The following CWF19L2 variants were observed in gnomAD, a reference collection of about 807,000 sequenced individuals.
The protein encoded by CWF19L2 is CWF19-like protein 2.
CWF19L2 carries 98 observed loss-of-function variants against 111.7 expected under a neutral mutation model. The observed-to-expected ratio is 0.88, with a 90% CI of 0.75 to 1.04. The LOEUF is 1.04. Ranked by LOEUF, CWF19L2 falls within the 50% of genes least tolerant of loss-of-function variation. CWF19L2 has a pLI of 0.00. For synonymous variants in CWF19L2, 351 were observed against 342.9 expected (o/e 1.02, Z -0.26); for missense variants, 1,101 against 1,051.4 (o/e 1.05, Z -0.65).
chr11:107,337,367 T>TTGTGTGTGTGTG (rs5794537), intron 14 of CWF19L2, among the ~76,000 whole-genome samples: 6 of 148,120 alleles, frequency 4.1e-5, no homozygotes, highest in African/African-American at 1.5e-4. Context: ...GGTGTGTGTT[T>TTGTGTGTGTGTG]TGTGTGTGTG....
chr11:107,379,647 A>C (rs1376260161), intron 12 of CWF19L2, among the ~76,000 whole-genome samples: 5 of 152,248 alleles, frequency 3.3e-5, no homozygotes, highest in South Asian at 2.1e-4. Context: ...CATAACCTAC[A>C]TTTTAAACAT....
At chr11:107,411,297 G>T (rs897834279) in intron 10 of CWF19L2, among the ~76,000 whole-genome samples, 2 of 152,066 alleles carry the variant, frequency 1.3e-5, no homozygotes, top group Non-Finnish European at 2.9e-5. Context: ...CTGAGATTAA[G>T]AAATAAATCA....
rs145818128 is a variant in CWF19L2, at chr11:107,370,365, C to T, written c.1873-16629G>A. Among the ~76,000 whole-genome samples, 141 of 137,192 alleles carry T rather than the reference C, an allele frequency of 1.0e-3. 35 individuals carry two copies. The highest frequency in any genetic ancestry group is 4.0e-3 in the African/African-American group (137 of 34,464). 90.0% of individuals were successfully genotyped at this position (137,192 alleles called of 152,430 possible). ...GAATTCCATAAAATCATATTAAAAT[C>T]TTGTGAGTTATCATGACAACAGAAC... On this transcript the variant is annotated intron_variant, in intron 12 of 17. Transcript: ENST00000282251.
At chr11:107,389,232 A>G (rs575021667) in intron 12 of CWF19L2, among the ~76,000 whole-genome samples, 1 of 152,354 alleles carries the variant, frequency 6.6e-6, no homozygotes, top group South Asian at 2.1e-4. Flanking sequence ...TTGTTATTAT[A>G]GGGTGGAAGT....
chr11:107,382,680 T>C (rs142637531), intron 12 of CWF19L2, among the ~76,000 whole-genome samples: 3 of 152,354 alleles, frequency 2.0e-5, no homozygotes, highest in South Asian at 2.1e-4. Context: ...ATGATATGCG[T>C]TGGTTTTCAT....
intron 3 of CWF19L2, among the ~76,000 whole-genome samples, chr11:107,444,835 T>A (rs1010214851): frequency 6.6e-6 from 1 of 152,162 alleles, no homozygotes; most frequent in African/African-American, 2.4e-5. Context: ...AAGCCTACCA[T>A]TTTCATTTTT....
At chr11:107,345,554 A>G (rs1860067826) in intron 14 of CWF19L2, 1 of 444,198 alleles carries the variant, frequency 2.3e-6, no homozygotes, top group East Asian at 7.1e-5. Context: ...CTGAAAAAAT[A>G]CTAAAATAGT....
rs1472758479 is a variant in CWF19L2 at position 107,451,869 on chromosome 11, CA to C, written c.339+2580del. Among the ~76,000 whole-genome samples, 7 of 152,240 alleles carry C rather than the reference CA, an allele frequency of 4.6e-5. No individual in the cohort carries two copies. In the East Asian group the frequency reaches 1.2e-3, roughly 25 times the overall value. Reference sequence around the variant, plus strand: ...TTATAGATGCAAAAAAAGCACTTACCAAATTCAATACTCATTCAAGATACAA... The same window carrying C: ...TTATAGATGCAAAAAAAGCACTTACCAATTCAATACTCATTCAAGATACAA... On this transcript the variant is annotated intron_variant, in intron 3 of 17. Coordinates refer to ENST00000282251, the MANE Select transcript of CWF19L2 (RefSeq NM_152434.3).
chr11:107,399,937 G>A (rs1157836818), intron 10 of CWF19L2, among the ~76,000 whole-genome samples: 1 of 151,950 alleles, frequency 6.6e-6, no homozygotes, highest in Non-Finnish European at 1.5e-5. Flanking sequence ...TCCAAATATA[G>A]GGAAATTAAA....
chr11:107,442,229 A>G (rs1255380032), intron 4 of CWF19L2, among the ~76,000 whole-genome samples: 2 of 152,182 alleles, frequency 1.3e-5, no homozygotes, highest in African/African-American at 4.8e-5. Flanking sequence ...CTCACAGTAG[A>G]AGGGGAAGGG....
At chr11:107,408,437 T>C (rs1012966253) in intron 10 of CWF19L2, among the ~76,000 whole-genome samples, 3 of 151,922 alleles carry the variant, frequency 2.0e-5, no homozygotes, top group Non-Finnish European at 4.4e-5. Flanking sequence ...TTAAGAAATA[T>C]TTAGCAGGTA....
chr11:107,372,453 C>A (rs549823863), intron 12 of CWF19L2, among the ~76,000 whole-genome samples: 3 of 135,252 alleles, frequency 2.2e-5, no homozygotes, highest in African/African-American at 8.9e-5. Context: ...AAAATCAACA[C>A]GGATGGAGCA....
chr11:107,410,392 C>CAT (rs1344010452), intron 10 of CWF19L2, among the ~76,000 whole-genome samples: 1 of 152,006 alleles, frequency 6.6e-6, no homozygotes, highest in Non-Finnish European at 1.5e-5. Context: ...TTGTTTTATA[C>CAT]ATATATATAC....
chr11:107,375,969 G>A (rs1860593344), intron 12 of CWF19L2, among the ~76,000 whole-genome samples: 1 of 99,920 alleles, frequency 1.0e-5, no homozygotes, highest in Non-Finnish European at 1.9e-5. Flanking sequence ...ACTACCATCA[G>A]AGAATACTAC....
intron 10 of CWF19L2, among the ~76,000 whole-genome samples, chr11:107,400,244 A>AATAC (rs1555023030): frequency 1.3e-5 from 2 of 151,262 alleles, no homozygotes; most frequent in Non-Finnish European, 3.0e-5. Flanking sequence ...GAAATTGAAA[A>AATAC]AAACAAACCA....
intron 14 of CWF19L2, 135 bp downstream of exon 14, chr11:107,348,802 A>G (rs1415209289): frequency 3.2e-5 from 16 of 501,750 alleles, no homozygotes; most frequent in Non-Finnish European, 5.1e-5. Flanking sequence ...AGATATATAC[A>G]ACTATGAAAA....
chr11:107,400,238 T>C (rs997928111), intron 10 of CWF19L2, among the ~76,000 whole-genome samples: 14 of 60,724 alleles, frequency 2.3e-4, no homozygotes, highest in Middle Eastern at 8.2e-3. Flanking sequence ...CTAAATGAAA[T>C]TGAAAAAAAC....
At chr11:107,438,556 C>A (rs566513164) in intron 6 of CWF19L2, among the ~76,000 whole-genome samples, 5 of 152,124 alleles carry the variant, frequency 3.3e-5, no homozygotes, top group African/African-American at 9.6e-5. Flanking sequence ...TTGTATTAAT[C>A]CAGTTTAAGT....
At chr11:107,384,602 A>G (rs187094341) in intron 12 of CWF19L2, among the ~76,000 whole-genome samples, 4 of 152,344 alleles carry the variant, frequency 2.6e-5, no homozygotes, top group East Asian at 3.9e-4. Flanking sequence ...CAGGGATTGA[A>G]AAACTACAAC....
Sources: gnomAD v4.1 joint callset for allele counts (sites outside exome capture counted in the v4.1 genomes callset) on GRCh38, gnomAD v4.1.1 for gene constraint, MANE v1.5 for transcripts, NCBI Gene and HGNC (gene_info 2026-07-23, HGNC 2026-07-21) for gene names.